Variants in PTPRD observed in about 807,000 individuals in gnomAD.
PTPRD encodes the protein protein tyrosine phosphatase receptor type D, also known as receptor-type tyrosine-protein phosphatase delta.
In PTPRD, 34 loss-of-function variants were observed where a neutral mutation model predicts 214.5. The observed-to-expected ratio is 0.16, with a 90% CI of 0.12 to 0.21. The LOEUF is 0.21. Among genes scored for constraint, PTPRD ranks in the 10% least tolerant of loss-of-function variants. PTPRD has a pLI of 1.00. For synonymous variants in PTPRD, 1,128 were observed against 845.7 expected (o/e 1.33, Z -5.79); for missense variants, 2,545 against 2,398.7 (o/e 1.06, Z -1.27).
chr9:9,954,297 C>CAA (rs781628679), intron 4 of PTPRD, among the ~76,000 whole-genome samples: 3,442 of 53,788 alleles, frequency 0.064, 607 homozygotes, highest in East Asian at 0.16. Context: ...TGTCTCAAAA[C>CAA]AAAAAAAAAA....
intron 12 of PTPRD, among the ~76,000 whole-genome samples, chr9:8,683,704 T>G (rs2097601756): frequency 6.6e-6 from 1 of 152,198 alleles, no homozygotes; most frequent in Non-Finnish European, 1.5e-5. Flanking sequence ...CACAGGGTTG[T>G]GACAGCACTG....
chr9:9,310,994 T>C (rs1490928596), intron 9 of PTPRD, among the ~76,000 whole-genome samples: 1 of 50,582 alleles, frequency 2.0e-5, no homozygotes, highest in African/African-American at 8.2e-5. Context: ...ATCTTAAATA[T>C]GAAAGTGAGT....
At chr9:10,417,913 A>G (rs2098507688) in intron 2 of PTPRD, among the ~76,000 whole-genome samples, 3 of 151,512 alleles carry the variant, frequency 2.0e-5, no homozygotes, top group Admixed American at 2.0e-4. Flanking sequence ...ATGAATCTAG[A>G]TGGTTTTTTT....
intron 10 of PTPRD, among the ~76,000 whole-genome samples, chr9:9,089,185 C>G (rs1167143006): frequency 3.3e-5 from 5 of 152,104 alleles, no homozygotes; most frequent in African/African-American, 1.2e-4. Context: ...GGACTTGACA[C>G]AGTTGACAGC....
intron 35 of PTPRD, among the ~76,000 whole-genome samples, chr9:8,411,276 A>C (rs893157341): frequency 9.9e-5 from 15 of 151,766 alleles, no homozygotes; most frequent in Admixed American, 9.2e-4. Context: ...TTTACTATAT[A>C]CTTTTTTAAA....
intron 2 of PTPRD, among the ~76,000 whole-genome samples, chr9:10,580,058 T>C (rs990510857): frequency 3.3e-5 from 5 of 152,202 alleles, no homozygotes; most frequent in Non-Finnish European, 7.3e-5. Context: ...GGGTTAACTC[T>C]TTGTTGTTCT....
chr9:10,150,636 T>C (rs1269947675), intron 3 of PTPRD, among the ~76,000 whole-genome samples: 1 of 150,082 alleles, frequency 6.7e-6, no homozygotes, highest in Non-Finnish European at 1.5e-5. Flanking sequence ...TGTGCACATG[T>C]ACCCTAGAAC....
At chr9:8,829,356 C>T (rs866660740) in intron 11 of PTPRD, among the ~76,000 whole-genome samples, 45 of 152,206 alleles carry the variant, frequency 3.0e-4, no homozygotes, top group Middle Eastern at 6.8e-3. Context: ...TTAGTTTTAC[C>T]TAAAAAATCA....
At chr9:10,247,653 T>C (rs4741021) in intron 3 of PTPRD, among the ~76,000 whole-genome samples, 83,821 of 151,938 alleles carry the variant, frequency 0.55, 24,792 homozygotes, top group East Asian at 0.73. Flanking sequence ...TTTATGGGAT[T>C]GTAGAAATAA....
chr9:8,403,541 G>T (rs1232497563), intron 36 of PTPRD, among the ~76,000 whole-genome samples: 4 of 152,190 alleles, frequency 2.6e-5, no homozygotes, highest in Non-Finnish European at 5.9e-5. Flanking sequence ...GAAATACTGT[G>T]TGTTGAAGAT....
In PTPRD at chr9:9,455,895, C is replaced by T. The variant is rs946646341; in HGVS notation, c.-236-58413G>A. On this transcript the variant is annotated intron_variant, in intron 8 of 45. Transcript: ENST00000381196. ...GACCACATGAAGGCAGTGAGCAAGG[C>T]ATTGATTAAGCTGAAGGTTGTTCAA... is the stretch of plus-strand genomic sequence containing the variant. 2.0e-5 allele frequency among the ~76,000 whole-genome samples: 3 copies of T among 151,694 alleles called. No individual in the cohort carries two copies. In the East Asian group the frequency reaches 5.8e-4, roughly 30 times the overall value.
At chr9:9,643,354 T>A (rs2096034487) in intron 7 of PTPRD, among the ~76,000 whole-genome samples, 1 of 152,092 alleles carries the variant, frequency 6.6e-6, no homozygotes, top group South Asian at 2.1e-4. Context: ...TTTTTAAAGT[T>A]ACATTAAAAA....
chr9:9,015,164 T>G (rs1335558478), intron 11 of PTPRD, among the ~76,000 whole-genome samples: 1 of 152,166 alleles, frequency 6.6e-6, no homozygotes, highest in African/African-American at 2.4e-5. Context: ...CAGAGGCATT[T>G]AAACCAGAGC....
chr9:8,955,307 G>C (rs1352839066), intron 11 of PTPRD, among the ~76,000 whole-genome samples: 1 of 151,892 alleles, frequency 6.6e-6, no homozygotes, highest in African/African-American at 2.4e-5. Flanking sequence ...GAGATAGGCT[G>C]TCTTCTTAAC....
At chr9:10,356,978 G>A (rs1004864395) in intron 2 of PTPRD, among the ~76,000 whole-genome samples, 3 of 151,966 alleles carry the variant, frequency 2.0e-5, no homozygotes, top group Admixed American at 1.3e-4. Context: ...ACCACGCCCG[G>A]CCCATAAGAA....
intron 9 of PTPRD, among the ~76,000 whole-genome samples, chr9:9,335,706 T>G (rs1374291402): frequency 6.6e-6 from 1 of 152,120 alleles, no homozygotes; most frequent in East Asian, 1.9e-4. Context: ...TCTCATTCAC[T>G]TTTGGCCCAA....
chr9:8,559,516 T>C (rs748349266), intron 14 of PTPRD, among the ~76,000 whole-genome samples: 1 of 152,198 alleles, frequency 6.6e-6, no homozygotes, highest in African/African-American at 2.4e-5. Context: ...CCAGAAGTTA[T>C]CATCCTTAAA....
chr9:9,866,004 T>C (rs535415593), intron 5 of PTPRD, among the ~76,000 whole-genome samples: 87 of 152,290 alleles, frequency 5.7e-4, no homozygotes, highest in African/African-American at 2.1e-3. Flanking sequence ...CTAATCTTCT[T>C]TGTTCCCTTC....
At chr9:10,102,689 GTC>G (rs1343112048) in intron 3 of PTPRD, among the ~76,000 whole-genome samples, 26 of 151,566 alleles carry the variant, frequency 1.7e-4, no homozygotes, top group Non-Finnish European at 8.9e-5. Context: ...TAGTAGCACT[GTC>G]TATCACTTTT....
Sources: gnomAD v4.1 joint callset for allele counts (sites outside exome capture counted in the v4.1 genomes callset) on GRCh38, gnomAD v4.1.1 for gene constraint, MANE v1.5 for transcripts, NCBI Gene and HGNC (gene_info 2026-07-23, HGNC 2026-07-21) for gene names.